Variants in ABTB3 observed in about 807,000 individuals in gnomAD.
The protein encoded by ABTB3 is ankyrin repeat and BTB domain containing 3, also known as ankyrin repeat- and BTB/POZ domain-containing protein 3.
the ABTB3 span, among the ~76,000 whole-genome samples, chr12:107,559,250 G>A: frequency 3.3e-5 from 5 of 152,182 alleles, no homozygotes; most frequent in African/African-American, 1.2e-4. Flanking sequence ...ATCACCAGTT[G>A]GCCTCCTCCT....
chr12:107,562,007 C>T, the ABTB3 span, among the ~76,000 whole-genome samples: 477 of 152,240 alleles, frequency 3.1e-3, 5 homozygotes, highest in African/African-American at 0.011. Flanking sequence ...TAAAGCTTTT[C>T]GGAAGGTGGC....
chr12:107,357,325 A>G, the ABTB3 span, among the ~76,000 whole-genome samples: 22 of 152,320 alleles, frequency 1.4e-4, no homozygotes, highest in African/African-American at 5.3e-4. Flanking sequence ...CCAGGCTTTC[A>G]GAGCTGGTAT....
At chr12:107,575,358 C>T in the ABTB3 span, among the ~76,000 whole-genome samples, 12 of 152,000 alleles carry the variant, frequency 7.9e-5, no homozygotes, top group African/African-American at 2.7e-4. Context: ...TAATAACAGC[C>T]CCCATTTATT....
the ABTB3 span, among the ~76,000 whole-genome samples, chr12:107,467,280 G>A: frequency 6.6e-6 from 1 of 152,056 alleles, no homozygotes; most frequent in Admixed American, 6.6e-5. Context: ...CGGCTTAGCT[G>A]GGGCCCACAA....
chr12:107,612,485 T>C, the ABTB3 span, among the ~76,000 whole-genome samples: 5 of 152,338 alleles, frequency 3.3e-5, no homozygotes, highest in Middle Eastern at 3.4e-3. Context: ...TTTAAGTGTT[T>C]AGCAAACACC....
At chr12:107,557,315 T>TAGTG in the ABTB3 span, among the ~76,000 whole-genome samples, 15,777 of 152,156 alleles carry the variant, frequency 0.1, 1,131 homozygotes, top group East Asian at 0.24. Flanking sequence ...GAAATTAACA[T>TAGTG]AGTGGCATTT....
At chr12:107,439,414 T>G in the ABTB3 span, among the ~76,000 whole-genome samples, 1 of 152,172 alleles carries the variant, frequency 6.6e-6, no homozygotes, top group African/African-American at 2.4e-5. Flanking sequence ...CTACCTGGCT[T>G]GGTTGCTGCC....
chr12:107,513,490 T>G, the ABTB3 span, among the ~76,000 whole-genome samples: 1 of 152,198 alleles, frequency 6.6e-6, no homozygotes, highest in Non-Finnish European at 1.5e-5. Flanking sequence ...CACTCTGTCC[T>G]GCCGCCCTGT....
chr12:107,393,702 G>A, the ABTB3 span, among the ~76,000 whole-genome samples: 4 of 152,112 alleles, frequency 2.6e-5, no homozygotes, highest in Admixed American at 6.5e-5. Flanking sequence ...AGGCCAAGAC[G>A]GGCAGATCAC....
chr12:107,633,486 C>T, the ABTB3 span, among the ~76,000 whole-genome samples: 1 of 152,160 alleles, frequency 6.6e-6, no homozygotes, highest in Non-Finnish European at 1.5e-5. Flanking sequence ...TGGTCCCAGT[C>T]CCAGGGGTTA....
At chr12:107,497,225 C>T in the ABTB3 span, among the ~76,000 whole-genome samples, 1 of 133,214 alleles carries the variant, frequency 7.5e-6, no homozygotes, top group Non-Finnish European at 1.7e-5. Flanking sequence ...ATCCCCACCT[C>T]TACGCTCACC....
At chr12:107,538,661 C>T in the ABTB3 span, among the ~76,000 whole-genome samples, 13 of 152,288 alleles carry the variant, frequency 8.5e-5, no homozygotes, top group East Asian at 1.9e-3. Flanking sequence ...GCTCTTCCTG[C>T]TTGGTGATTT....
At chr12:107,530,404 A>G in the ABTB3 span, among the ~76,000 whole-genome samples, 1 of 152,360 alleles carries the variant, frequency 6.6e-6, no homozygotes, top group East Asian at 1.9e-4. Context: ...CCACCTCAGT[A>G]AGCTTATTAT....
the ABTB3 span, among the ~76,000 whole-genome samples, chr12:107,572,432 G>A: frequency 2.0e-5 from 3 of 152,052 alleles, no homozygotes; most frequent in Admixed American, 6.5e-5. Context: ...TGCTACAGCA[G>A]CCATAGGAAA....
At chr12:107,382,424 T>C in the ABTB3 span, among the ~76,000 whole-genome samples, 1 of 152,204 alleles carries the variant, frequency 6.6e-6, no homozygotes, top group African/African-American at 2.4e-5. Context: ...GTAGCAATTG[T>C]GAATGGGAGT....
the ABTB3 span, among the ~76,000 whole-genome samples, chr12:107,491,786 G>A: frequency 7.0e-6 from 1 of 143,430 alleles, no homozygotes; most frequent in South Asian, 2.2e-4. Flanking sequence ...TCACGTCACC[G>A]CACTCCAGCC....
chr12:107,489,955 T>C, the ABTB3 span, among the ~76,000 whole-genome samples: 1 of 152,020 alleles, frequency 6.6e-6, no homozygotes, highest in Admixed American at 6.6e-5. Flanking sequence ...AACATAAAGA[T>C]GTGTTACAAG....
the ABTB3 span, among the ~76,000 whole-genome samples, chr12:107,531,662 T>C: frequency 4.6e-5 from 7 of 152,116 alleles, no homozygotes; most frequent in Non-Finnish European, 8.8e-5. Flanking sequence ...AAGCCTAGCA[T>C]AGGGAGATGC....
the ABTB3 span, among the ~76,000 whole-genome samples, chr12:107,394,032 C>G: frequency 6.6e-6 from 1 of 152,192 alleles, no homozygotes; most frequent in Admixed American, 6.5e-5. Flanking sequence ...GGTTCCCACC[C>G]ATGACCACTA....
Sources: gnomAD v4.1 joint callset for allele counts (sites outside exome capture counted in the v4.1 genomes callset) on GRCh38, gnomAD v4.1.1 for gene constraint, MANE v1.5 for transcripts, NCBI Gene and HGNC (gene_info 2026-07-23, HGNC 2026-07-21) for gene names.